FMR1NB: variants seen among roughly 807,000 people sequenced by gnomAD.
FMR1NB encodes the protein FMR1 neighbor protein.
Under a neutral mutation model 16.8 loss-of-function variants are expected in FMR1NB, and 10 were observed. That is an observed-to-expected ratio of 0.60 (90% CI 0.37 to 1.01). FMR1NB has a LOEUF of 1.01. FMR1NB is among the 50% of genes least tolerant of loss of function. The pLI is 0.01. For synonymous variants in FMR1NB, 83 were observed against 79.1 expected (o/e 1.05, Z -0.26); for missense variants, 205 against 204.8 (o/e 1.00, Z 0.00).
chrX:148,017,640 G>T (rs1163185665), intron 4 of FMR1NB, among the ~76,000 whole-genome samples: 2 of 106,260 alleles, frequency 1.9e-5, no homozygotes, highest in African/African-American at 3.5e-5. Flanking sequence ...GTGCCATGCT[G>T]GTGCGCTGCA....
chrX:148,018,743 C>A lies in FMR1NB; in HGVS notation c.633-6122C>A, dbSNP rs781917661. On this transcript the variant is annotated intron_variant, in intron 4 of 5. Coordinates refer to ENST00000370467, the MANE Select transcript of FMR1NB (RefSeq NM_152578.3). ...ACCCTAGAAGAAAACCTAGGCATTA[C>A]CATTCAGGACATAGGCATGGGCAAG... Among the ~76,000 whole-genome samples the A allele has an allele frequency of 5.6e-3, 626 of 111,119 alleles. 7 individuals carry two copies. Among genetic ancestry groups the A allele is most frequent in the African/African-American group, 0.019 (585 of 30,453 alleles).
Position 147,992,247 on chromosome X carries a change from G to A in FMR1NB, c.277+10568G>A, listed in dbSNP as rs1328382429. ...CCAGTAGGGGTGGCTGGGCAGAGGC[G>A]CCCCTCACCTCCCGGACGGGGCGGC... On this transcript the variant is annotated intron_variant, in intron 1 of 5. Transcript: ENST00000370467. Among the ~76,000 whole-genome samples, 10 of 93,156 alleles carry A rather than the reference G, an allele frequency of 1.1e-4. No homozygotes were observed. The East Asian group carries it at 1.1e-3, about 10-fold the overall frequency. 80.9% of individuals were successfully genotyped at this position (93,156 alleles called of 115,157 possible). A position where few individuals can be genotyped will look rare whatever the true frequency, so the allele number is the denominator to read the frequency against.
Position 148,006,799 on chromosome X carries a change from A to C in FMR1NB, c.495A>C (p.Ser165=), listed in dbSNP as rs141949320. The change falls in exon 3 of 6, where the codon TCA becomes TCC. Residue 165 remains serine, a synonymous_variant. Transcript: ENST00000370467. ...TGAGACACAAATGCTGTTTTTCATCATCGGGGACCACGAGCTTCAAATGTT... is the reference window on the plus strand; with the variant it reads ...TGAGACACAAATGCTGTTTTTCATCCTCGGGGACCACGAGCTTCAAATGTT... ...ECLRHKCCFS[S]SGTTSFKCFA... 1.7e-6 allele frequency: 2 copies of C among 1,211,022 alleles called. No homozygotes were observed. Among genetic ancestry groups the C allele is most frequent in the South Asian group, 3.5e-5 (2 of 56,578 alleles).
chrX:148,004,336 A>T (rs2044585474), intron 2 of FMR1NB, among the ~76,000 whole-genome samples: 1 of 112,447 alleles, frequency 8.9e-6, no homozygotes, highest in Non-Finnish European at 1.9e-5. Context: ...ACTTACCTGT[A>T]ATAACTACAT....
Position 147,981,574 on chromosome X carries a change from C to T in FMR1NB, c.172C>T (p.Arg58Trp), listed in dbSNP as rs782029879. Residue 58 changes from arginine to tryptophan, a missense_variant, in exon 1 of 6, where the codon CGG becomes TGG. Coordinates refer to ENST00000370467, the MANE Select transcript of FMR1NB (RefSeq NM_152578.3). ...GGCTGACAGGCCTCAGCCAGGATGG[C>T]GGGAATCTCTAAAGATGCGGGTCAG... ...AMADRPQPGWRESLKMRVSKP... is the reference protein window; with the variant it reads ...AMADRPQPGWWESLKMRVSKP... The T allele has an allele frequency of 5.8e-6, 7 of 1,209,775 alleles. No homozygotes were observed. The highest frequency in any genetic ancestry group is 2.2e-5 in the Admixed American group (1 of 45,832).
chrX:148,004,081 C>A (rs2044583887), intron 2 of FMR1NB, among the ~76,000 whole-genome samples: 1 of 111,961 alleles, frequency 8.9e-6, no homozygotes, highest in African/African-American at 3.2e-5. Context: ...CTTTATGTTT[C>A]TTTATACTTG....
chrX:148,008,494 A>AT, intron 3 of FMR1NB, 124 bp from the exon 4 acceptor site: 1 of 568,749 alleles, frequency 1.8e-6, no homozygotes, highest in Non-Finnish European at 2.7e-6. Context: ...TACCTGTCAC[A>AT]TAAGAATACC....
intron 4 of FMR1NB, among the ~76,000 whole-genome samples, chrX:148,013,806 T>C (rs1891601102): frequency 8.9e-6 from 1 of 112,016 alleles, no homozygotes; most frequent in Non-Finnish European, 1.9e-5. Context: ...CTCATTTTCT[T>C]TTTCTCCTAA....
At chrX:148,008,835 T>C (rs1444162680) in intron 4 of FMR1NB, 124 bp downstream of exon 4, 1 of 600,218 alleles carries the variant, frequency 1.7e-6, no homozygotes, top group Non-Finnish European at 2.5e-6. Context: ...GTTGAAAATA[T>C]GGTAGCTTGG....
intron 4 of FMR1NB, among the ~76,000 whole-genome samples, chrX:148,015,044 C>T (rs1236447757): frequency 1.8e-5 from 2 of 111,303 alleles, no homozygotes; most frequent in African/African-American, 6.5e-5. Flanking sequence ...CTTCCTGGTT[C>T]AATTTAGTTA....
intron 4 of FMR1NB, 29 bp from the exon 5 acceptor site, chrX:148,024,836 A>G (rs782386648): frequency 5.0e-6 from 6 of 1,199,235 alleles, no homozygotes; most frequent in Non-Finnish European, 6.7e-6. Context: ...ATGAGAAATA[A>G]GGTTTCACTT....
intron 1 of FMR1NB, among the ~76,000 whole-genome samples, chrX:147,984,703 A>C (rs73608620): frequency 0.15 from 16,409 of 111,384 alleles, 1,638 homozygotes; most frequent in African/African-American, 0.37. Flanking sequence ...CCATTTATTT[A>C]TCCTTATTGC....
chrX:148,005,551 T>C (rs2044592222), intron 2 of FMR1NB, among the ~76,000 whole-genome samples: 1 of 112,000 alleles, frequency 8.9e-6, no homozygotes, highest in Admixed American at 9.5e-5. Context: ...CTCTCATGTC[T>C]AAAATGTTTG....
intron 1 of FMR1NB, among the ~76,000 whole-genome samples, chrX:147,995,978 A>G (rs2044539514): frequency 8.9e-6 from 1 of 112,004 alleles, no homozygotes; most frequent in Non-Finnish European, 1.9e-5. Context: ...TCTTATCGAA[A>G]AAATGAAGAA....
chrX:147,983,231 G>A (rs1050871719), intron 1 of FMR1NB, among the ~76,000 whole-genome samples: 2 of 112,167 alleles, frequency 1.8e-5, no homozygotes, highest in Non-Finnish European at 3.8e-5. Flanking sequence ...TTGTGTACAA[G>A]TTGTTGTGTA....
At chrX:147,995,297 G>T (rs2044536387) in intron 1 of FMR1NB, among the ~76,000 whole-genome samples, 1 of 112,208 alleles carries the variant, frequency 8.9e-6, no homozygotes. Flanking sequence ...CCATGGTCCT[G>T]TAGAATTATG....
At chrX:148,024,401 C>G (rs2044693537) in intron 4 of FMR1NB, among the ~76,000 whole-genome samples, 1 of 111,555 alleles carries the variant, frequency 9.0e-6, no homozygotes, top group African/African-American at 3.3e-5. Flanking sequence ...CAAGGAGGTA[C>G]GAGATTGTAT....
At chrX:147,991,436 C>T (rs1408426548) in intron 1 of FMR1NB, among the ~76,000 whole-genome samples, 1 of 109,961 alleles carries the variant, frequency 9.1e-6, no homozygotes, top group African/African-American at 3.3e-5. Flanking sequence ...TCCATGCTCT[C>T]CCCTAACAAA....
chrX:148,012,280 T>G (rs1557189703), intron 4 of FMR1NB, among the ~76,000 whole-genome samples: 1 of 112,108 alleles, frequency 8.9e-6, no homozygotes, highest in African/African-American at 3.2e-5. Flanking sequence ...TTTCTAATCT[T>G]TATCTGTTTT....
Sources: allele counts gnomAD v4.1 joint callset (sites outside exome capture counted in the v4.1 genomes callset), GRCh38; gene constraint gnomAD v4.1.1; transcripts MANE v1.5; gene names NCBI Gene and HGNC (gene_info 2026-07-23, HGNC 2026-07-21).